Variants in IL34 observed in about 807,000 individuals in gnomAD.
IL34 encodes interleukin-34.
IL34 carries 17 observed loss-of-function variants against 25.3 expected under a neutral mutation model. The ratio of observed to expected loss-of-function variants is 0.67; its 90% CI spans 0.46 to 1.01. The LOEUF is 1.01. Ranked by LOEUF, IL34 falls within the 50% of genes least tolerant of loss-of-function variation. The probability of loss-of-function intolerance (pLI) is 0.00; values close to 1 mark genes in which losing one functional copy is unlikely to be tolerated. For missense variants in IL34, 368 were observed against 312.9 expected, an observed-to-expected ratio of 1.18 and a Z score of -1.33; for synonymous variants, 174 against 140.9, an observed-to-expected ratio of 1.23 and a Z score of -1.66.
upstream of IL34, among the ~76,000 whole-genome samples, chr16:70,642,163 C>T (rs1283595406): frequency 2.6e-5 from 4 of 152,132 alleles, no homozygotes; most frequent in Non-Finnish European, 4.4e-5. Context: ...GGTGAGGGCT[C>T]TTCCCTTGGG....
Sources: allele counts gnomAD v4.1 joint callset (sites outside exome capture counted in the v4.1 genomes callset), GRCh38; gene constraint gnomAD v4.1.1; transcripts MANE v1.5; gene names NCBI Gene and HGNC (gene_info 2026-07-23, HGNC 2026-07-21).